CHD5: variants seen among roughly 807,000 people sequenced by gnomAD.
CHD5 encodes the protein chromodomain helicase DNA binding protein 5.
In CHD5, 69 loss-of-function variants were observed where a neutral mutation model predicts 230.3. That is an observed-to-expected ratio of 0.30 (90% CI 0.25 to 0.37). The LOEUF is 0.37. Ranked by LOEUF, CHD5 falls within the 10% of genes least tolerant of loss-of-function variation. CHD5 has a pLI of 1.00. For missense variants in CHD5, 1,827 were observed against 2,622.8 expected, an observed-to-expected ratio of 0.70 and a Z score of 6.63; for synonymous variants, 1,064 against 1,065.9, an observed-to-expected ratio of 1.00 and a Z score of 0.03.
At chr1:6,144,932 T>C (rs1257860784) in intron 11 of CHD5, among the ~76,000 whole-genome samples, 1 of 152,200 alleles carries the variant, frequency 6.6e-6, no homozygotes, top group Non-Finnish European at 1.5e-5. Context: ...TTTTGCAGAT[T>C]GGGGGAACAA....
chr1:6,155,097 GCCCACCCCCAAAACACCCA>G lies in CHD5; in HGVS notation c.507-218_507-200del, dbSNP rs1667061046. Reference sequence around the variant, plus strand: ...CCCCAGCTTCCTGTCCACACCCACAGCCCACCCCCAAAACACCCAGCTTCCTGTCCACACCCACAGCCCA... The same window carrying G: ...CCCCAGCTTCCTGTCCACACCCACAGGCTTCCTGTCCACACCCACAGCCCA... On this transcript the variant is annotated intron_variant, in intron 4 of 41. Coordinates refer to ENST00000262450, the MANE Select transcript of CHD5 (RefSeq NM_015557.3). The surrounding 1 kb of genome is among the most constrained non-coding windows in gnomAD (Gnocchi z 4.0). Among the ~76,000 whole-genome samples, 3 of 92,922 alleles carry G rather than the reference GCCCACCCCCAAAACACCCA, an allele frequency of 3.2e-5. No homozygotes were observed. Among genetic ancestry groups the G allele is most frequent in the Non-Finnish European group, 4.9e-5 (2 of 40,750 alleles). The allele number at this position is 92,922 out of a possible 152,430, so 61.0% of individuals were successfully genotyped here.
At chr1:6,106,213 A>G (rs746299877) in intron 41 of CHD5, 21 bp downstream of exon 41, 5 of 1,605,266 alleles carry the variant, frequency 3.1e-6, no homozygotes, top group East Asian at 4.5e-5. Context: ...GGGGAGGAAC[A>G]CAGCACCCAG....
In CHD5 at chr1:6,126,212, G is replaced by A. The variant is rs1390619076; in HGVS notation, c.4079-354C>T. 6.6e-6 allele frequency among the ~76,000 whole-genome samples: 1 copy of A among 152,108 alleles called. No homozygotes were observed. The highest frequency in any genetic ancestry group is 1.5e-5 in the Non-Finnish European group (1 of 68,002). On this transcript the variant is annotated intron_variant, in intron 26 of 41. Coordinates refer to ENST00000262450, the MANE Select transcript of CHD5 (RefSeq NM_015557.3). The surrounding 1 kb of genome is among the most constrained non-coding windows in gnomAD (Gnocchi z 5.7). Reference sequence around the variant, plus strand: ...CTTTCCTCCAAAAAGCTGCCTCCCAGCTCCAACCAGCGCCGCCCAGCGTTC... The same window carrying A: ...CTTTCCTCCAAAAAGCTGCCTCCCAACTCCAACCAGCGCCGCCCAGCGTTC...
chr1:6,179,893 C>G, intron 1 of CHD5, 52 bp downstream of exon 1: 1 of 1,074,778 alleles, frequency 9.3e-7, no homozygotes, highest in Non-Finnish European at 1.2e-6. Context: ...GGGCCCGGCC[C>G]GTCTCGGCGC....
chr1:6,112,332 C>A, intron 34 of CHD5, 55 bp from the exon 35 acceptor site: 1 of 1,596,462 alleles, frequency 6.3e-7, no homozygotes, highest in Non-Finnish European at 8.6e-7. Context: ...CAGTGCCCAG[C>A]GGCCTCTCTC....
chr1:6,103,864 T>A lies in CHD5; in HGVS notation c.*1610A>T, dbSNP rs1159465523. ...ATAGGGCTTAGGGAGGGCCAGGCAATCGCTCCAGTGTCTGCAACACAAGCT... is the reference window on the plus strand; with the variant it reads ...ATAGGGCTTAGGGAGGGCCAGGCAAACGCTCCAGTGTCTGCAACACAAGCT... On this transcript the variant is annotated 3_prime_UTR_variant, in exon 42 of 42. Transcript: ENST00000262450. 6.6e-6 allele frequency: 1 copy of A among 151,740 alleles called. No individual in the cohort carries two copies. Among genetic ancestry groups the A allele is most frequent in the African/African-American group, 2.4e-5 (1 of 41,242 alleles). The allele number at this position is 151,740 out of a possible 1,614,324, so 9.4% of individuals were successfully genotyped here.
At chr1:6,123,217 C>A (rs560889145) in intron 31 of CHD5, among the ~76,000 whole-genome samples, 1 of 152,074 alleles carries the variant, frequency 6.6e-6, no homozygotes, top group Non-Finnish European at 1.5e-5. Flanking sequence ...GAAAGGCCCA[C>A]GCACTGTGCA....
intron 2 of CHD5, among the ~76,000 whole-genome samples, chr1:6,163,100 C>A (rs1667202629): frequency 6.6e-6 from 1 of 152,232 alleles, no homozygotes; most frequent in African/African-American, 2.4e-5. Flanking sequence ...CGCCCAGCGT[C>A]CGCTCAGGGT....
chr1:6,138,026 T>C (rs1415501869), intron 15 of CHD5, among the ~76,000 whole-genome samples: 1 of 152,238 alleles, frequency 6.6e-6, no homozygotes, highest in East Asian at 1.9e-4. Context: ...CTGGTGCCTG[T>C]GAGGGTCTGC....
rs973282569 is a variant in CHD5 at position 6,104,947 on chromosome 1, G to C, written c.*527C>G. ...AGGGGCTGTCACACAGGTGCAGACA[G>C]GTCAGGTAGGGGACACTGAGGGCTC... is the stretch of plus-strand genomic sequence containing the variant. On this transcript the variant is annotated 3_prime_UTR_variant, in exon 42 of 42. Transcript: ENST00000262450. 1 of 185,268 alleles carries C rather than the reference G, an allele frequency of 5.4e-6. No homozygotes were observed. Among genetic ancestry groups the C allele is most frequent in the Non-Finnish European group, 1.1e-5 (1 of 88,288 alleles). 11.5% of individuals were successfully genotyped at this position (185,268 alleles called of 1,614,324 possible). A position where few individuals can be genotyped will look rare whatever the true frequency, so the allele number is the denominator to read the frequency against.
rs58220033 is a variant in CHD5 at position 6,115,729 on chromosome 1, C to T, written c.4913-2731G>A. Among the ~76,000 whole-genome samples the T allele has an allele frequency of 3.9e-3, 594 of 152,264 alleles. 5 individuals carry two copies. The highest frequency in any genetic ancestry group is 0.014 in the African/African-American group (576 of 41,536). On this transcript the variant is annotated intron_variant, in intron 33 of 41. Transcript: ENST00000262450. ...GATGTGGACTTTTCCCCAGGGCCTC[C>T]AGATGAGAACTCAACCCACTCGATA...
Position 6,167,510 on chromosome 1 carries a change from G to A in CHD5, c.207+640C>T, listed in dbSNP as rs926584632. On this transcript the variant is annotated intron_variant, in intron 2 of 41. Coordinates refer to ENST00000262450, the MANE Select transcript of CHD5 (RefSeq NM_015557.3). The surrounding 1 kb of genome is among the most constrained non-coding windows in gnomAD (Gnocchi z 4.5). The stretch of plus-strand genomic sequence containing the variant: ...TCAGTTTCCCCATCTGCCAACCAGC[G>A]ATCATCCCTCCCATGCCACCAATTT... Among the ~76,000 whole-genome samples the A allele has an allele frequency of 1.3e-5, 2 of 152,166 alleles. No individual in the cohort carries two copies. The highest frequency in any genetic ancestry group is 6.5e-5 in the Admixed American group (1 of 15,280).
rs1213391302 is a variant in CHD5, at chr1:6,121,923, G to A, written c.4700-350C>T. Among the ~76,000 whole-genome samples the A allele has an allele frequency of 6.6e-6, 1 of 152,236 alleles. No individual in the cohort carries two copies. The highest frequency in any genetic ancestry group is 2.4e-5 in the African/African-American group (1 of 41,470). ...CGCTCTGGTCCCAGCTTTCGGGCGG[G>A]CTGGCTGGTGTGTGCCTCTGGACAG... On this transcript the variant is annotated intron_variant, in intron 31 of 41. Transcript: ENST00000262450. This position sits in a 1 kb window ranked among gnomAD's most constrained non-coding sequence, Gnocchi z 4.5.
chr1:6,127,713 T>C (rs1666582946), intron 25 of CHD5, among the ~76,000 whole-genome samples: 1 of 152,130 alleles, frequency 6.6e-6, no homozygotes, highest in Non-Finnish European at 1.5e-5. Flanking sequence ...AGGCGGCTGA[T>C]GTGTGCAAGG....
Position 6,146,619 on chromosome 1 carries a change from T to C in CHD5, c.1590+46A>G. 6.3e-7 allele frequency: 1 copy of C among 1,592,400 alleles called. No homozygotes were observed. Among genetic ancestry groups the C allele is most frequent in the Non-Finnish European group, 8.6e-7 (1 of 1,161,004 alleles). On this transcript the variant is annotated intron_variant, in intron 10 of 41. Transcript: ENST00000262450. This position sits in a 1 kb window ranked among gnomAD's most constrained non-coding sequence, Gnocchi z 5.1. ...CCGCCAGCCCAGGAGGGTCCAGGGC[T>C]CACCAGGTCCCGGGCCTTAGCACAG...
In CHD5 at chr1:6,142,343, C is replaced by T. The variant is rs370706820; in HGVS notation, c.2236-15G>A. 108 of 1,597,836 alleles carry T rather than the reference C, an allele frequency of 6.8e-5. No individual in the cohort carries two copies. Among genetic ancestry groups the T allele is most frequent in the Middle Eastern group, 1.7e-4 (1 of 6,040 alleles). ...TTGGAGTGGCCCTGGAGAGAGAGGCCGATGCCGTGAGACCACCTGCCCTTG... is the reference window on the plus strand; with the variant it reads ...TTGGAGTGGCCCTGGAGAGAGAGGCTGATGCCGTGAGACCACCTGCCCTTG... On this transcript the variant is annotated splice_polypyrimidine_tract_variant and intron_variant, in intron 14 of 41. Transcript: ENST00000262450. The surrounding 1 kb of genome is among the most constrained non-coding windows in gnomAD (Gnocchi z 5.2).
intron 25 of CHD5, 55 bp downstream of exon 25, chr1:6,127,991 C>T: frequency 2.5e-6 from 3 of 1,186,372 alleles, no homozygotes; most frequent in Non-Finnish European, 2.2e-6. Context: ...CAGTGGGGGG[C>T]GGGGCTGCGG....
Position 6,174,075 on chromosome 1 carries a change from G to GC in CHD5, c.80-5799dup, listed in dbSNP as rs538632973. On this transcript the variant is annotated intron_variant, in intron 1 of 41. Transcript: ENST00000262450. Reference sequence around the variant, plus strand: ...GGGGGTGCAGGGAAAGCAGGGAGAGGCCCAGGGCATGGGTGGGGAGGAGGA... The same window carrying GC: ...GGGGGTGCAGGGAAAGCAGGGAGAGGCCCCAGGGCATGGGTGGGGAGGAGGA... Among the ~76,000 whole-genome samples the GC allele has an allele frequency of 4.0e-3, 614 of 151,904 alleles. 2 individuals are homozygous for GC. Among genetic ancestry groups the GC allele is most frequent in the African/African-American group, 0.013 (530 of 41,380 alleles).
In CHD5 at chr1:6,101,959, G is replaced by A. The variant is rs779068518; in HGVS notation, c.*3515C>T. 13 of 415,510 alleles carry A rather than the reference G, an allele frequency of 3.1e-5. No homozygotes were observed. The highest frequency in any genetic ancestry group is 1.3e-4 in the South Asian group (8 of 61,454). The allele number at this position is 415,510 out of a possible 1,614,324, so 25.7% of individuals were successfully genotyped here. On this transcript the variant is annotated 3_prime_UTR_variant, in exon 42 of 42. Transcript: ENST00000262450. Reference sequence around the variant, plus strand: ...GGCTTCCAAAGCTGGACCCGCCCCCGCCGGGGCCACCCTGGCTGGGACTCC... The same window carrying A: ...GGCTTCCAAAGCTGGACCCGCCCCCACCGGGGCCACCCTGGCTGGGACTCC...
Sources: allele counts gnomAD v4.1 joint callset (sites outside exome capture counted in the v4.1 genomes callset), GRCh38; gene constraint gnomAD v4.1.1; non-coding constraint Gnocchi (gnomAD v3.1); transcripts MANE v1.5; gene names NCBI Gene and HGNC (gene_info 2026-07-23, HGNC 2026-07-21).